Variants in GRIP1 observed in about 807,000 individuals in gnomAD.
GRIP1 encodes the protein glutamate receptor interacting protein 1.
Under a neutral mutation model 129.9 loss-of-function variants are expected in GRIP1, and 45 were observed. The ratio of observed to expected loss-of-function variants is 0.35; its 90% CI spans 0.27 to 0.44. The LOEUF is 0.44. Ranked by LOEUF, GRIP1 falls within the 20% of genes least tolerant of loss-of-function variation. GRIP1 has a pLI of 1.00. For synonymous variants in GRIP1, 530 were observed against 520.8 expected (o/e 1.02, Z -0.24); for missense variants, 1,196 against 1,396.8 (o/e 0.86, Z 2.29).
At position 66,465,391 on chromosome 12, in the gene GRIP1, T is replaced by A; in HGVS notation, c.756A>T (p.Leu252=). 6.2e-7 allele frequency: 1 copy of A among 1,614,028 alleles called. No individual in the cohort carries two copies. Among genetic ancestry groups the A allele is most frequent in the Non-Finnish European group, 8.5e-7 (1 of 1,179,884 alleles). ...DSVATASGPL[L]VEVAKTPGAS... Reference sequence around the variant, plus strand: ...CACCAGGAGTTTTGGCAACTTCGACTAGTAGTGGCCCGGATGCTGTTGCCA... The same window carrying A: ...CACCAGGAGTTTTGGCAACTTCGACAAGTAGTGGCCCGGATGCTGTTGCCA... Residue 252 remains leucine, a synonymous_variant, in exon 8 of 25, where the codon CTA becomes CTT. Transcript: ENST00000359742.
At chr12:66,757,322 G>C (rs2136650264) in intron 1 of GRIP1, among the ~76,000 whole-genome samples, 1 of 152,226 alleles carries the variant, frequency 6.6e-6, no homozygotes, top group South Asian at 2.1e-4. Context: ...AAATAAGTGA[G>C]AATATGTGAA....
At chr12:66,648,822 T>C (rs2032567996) in intron 1 of GRIP1, among the ~76,000 whole-genome samples, 1 of 152,244 alleles carries the variant, frequency 6.6e-6, no homozygotes, top group Non-Finnish European at 1.5e-5. Flanking sequence ...AGACGTTTTC[T>C]ATATCCACTT....
intron 1 of GRIP1, among the ~76,000 whole-genome samples, chr12:66,784,058 G>T (rs1339843056): frequency 6.6e-6 from 1 of 152,036 alleles, no homozygotes; most frequent in Non-Finnish European, 1.5e-5. Context: ...ATATAATTAA[G>T]AACAGAGGGA....
intron 2 of GRIP1, chr12:66,567,942 T>A (rs1371573752): frequency 5.9e-6 from 1 of 168,854 alleles, no homozygotes; most frequent in Non-Finnish European, 1.3e-5. Context: ...TTTCTCATAG[T>A]TAAAACAAAA....
intron 1 of GRIP1, among the ~76,000 whole-genome samples, chr12:67,063,106 T>G (rs886405934): frequency 6.6e-6 from 1 of 152,194 alleles, no homozygotes; most frequent in Admixed American, 6.5e-5. Context: ...GTCCTCATCT[T>G]AAAGTAGAGA....
chr12:66,782,407 G>C (rs1323169084), intron 1 of GRIP1, among the ~76,000 whole-genome samples: 1 of 152,160 alleles, frequency 6.6e-6, no homozygotes, highest in African/African-American at 2.4e-5. Flanking sequence ...TGGAGGCAAT[G>C]AAGTTCCTGG....
rs191926135 is a variant in GRIP1, at chr12:66,999,661, G to T, written c.58+69389C>A. Among the ~76,000 whole-genome samples the T allele has an allele frequency of 3.9e-5, 6 of 152,166 alleles. No individual in the cohort carries two copies. The East Asian group carries it at 1.2e-3, about 29-fold the overall frequency. ...CATCACCAAGGAAAAGTGTAATACA[G>T]AACTATCTAAATAATTAATGTACAT... is the stretch of plus-strand genomic sequence containing the variant. On this transcript the variant is annotated intron_variant, in intron 1 of 1. Coordinates refer to the GRIP1 transcript ENST00000643019.
At chr12:66,426,132 T>G (rs772165156) in intron 14 of GRIP1, among the ~76,000 whole-genome samples, 2 of 152,194 alleles carry the variant, frequency 1.3e-5, no homozygotes, top group Admixed American at 6.5e-5. Context: ...GATCTCTTGA[T>G]GACAAGCTTT....
At chr12:66,943,114 T>G (rs1312679578) in intron 1 of GRIP1, among the ~76,000 whole-genome samples, 2 of 152,222 alleles carry the variant, frequency 1.3e-5, no homozygotes, top group African/African-American at 4.8e-5. Flanking sequence ...TTGTTGCTAA[T>G]TTTGTCTTCT....
chr12:66,787,068 G>T lies in GRIP1; in HGVS notation c.-420+16985C>A, dbSNP rs547047210. 2.6e-5 allele frequency among the ~76,000 whole-genome samples: 4 copies of T among 152,186 alleles called. No individual in the cohort carries two copies. The East Asian group carries it at 7.7e-4, about 29-fold the overall frequency. ...TACAGCTTATGAGGTTTAAATTTAC[G>T]CACAAGTAACCTTGGATACCTAGTA... On this transcript the variant is annotated intron_variant, in intron 1 of 4. Coordinates refer to the GRIP1 transcript ENST00000538373.
intron 7 of GRIP1, among the ~76,000 whole-genome samples, chr12:66,476,077 G>A (rs551371748): frequency 6.6e-6 from 1 of 152,228 alleles, no homozygotes; most frequent in Admixed American, 6.5e-5. Context: ...AATGAATCCA[G>A]GATCTGGTTT....
At chr12:66,368,761 C>A (rs991722613) in intron 23 of GRIP1, among the ~76,000 whole-genome samples, 1 of 152,156 alleles carries the variant, frequency 6.6e-6, no homozygotes, top group Non-Finnish European at 1.5e-5. Context: ...CTTTTCATGA[C>A]ATTAGGTAGT....
intron 1 of GRIP1, among the ~76,000 whole-genome samples, chr12:67,018,511 C>T (rs1254155202): frequency 6.6e-6 from 1 of 152,192 alleles, no homozygotes; most frequent in Admixed American, 6.6e-5. Flanking sequence ...TTTGTAGGTG[C>T]CTGGTTTTCC....
chr12:66,661,209 T>A (rs1057040258), intron 1 of GRIP1, among the ~76,000 whole-genome samples: 1 of 151,970 alleles, frequency 6.6e-6, no homozygotes, highest in Non-Finnish European at 1.5e-5. Context: ...GCAACTTCCA[T>A]CGCCAATTTG....
intron 1 of GRIP1, among the ~76,000 whole-genome samples, chr12:66,834,837 C>G (rs2039582075): frequency 6.8e-6 from 1 of 146,284 alleles, no homozygotes; most frequent in Admixed American, 6.9e-5. Flanking sequence ...AGGAGGATTG[C>G]TTGAGCTCAG....
intron 3 of GRIP1, 34 bp downstream of exon 3, chr12:66,541,781 T>A (rs374020158): frequency 2.5e-6 from 4 of 1,606,764 alleles, no homozygotes; most frequent in East Asian, 2.2e-5. Context: ...ACACCCTGTG[T>A]TCCTTTCAGT....
intron 1 of GRIP1, among the ~76,000 whole-genome samples, chr12:66,650,647 G>A (rs2032727000): frequency 6.6e-6 from 1 of 152,138 alleles, no homozygotes; most frequent in South Asian, 2.1e-4. Context: ...TCAGCATTTA[G>A]ACCATTAGCT....
chr12:66,414,147 G>T (rs943990544), intron 15 of GRIP1, among the ~76,000 whole-genome samples: 2 of 152,120 alleles, frequency 1.3e-5, no homozygotes, highest in African/African-American at 4.8e-5. Context: ...CAGAAGAGAA[G>T]AAGTCAAATT....
intron 1 of GRIP1, among the ~76,000 whole-genome samples, chr12:66,698,128 G>A (rs1014027563): frequency 1.3e-5 from 2 of 150,682 alleles, no homozygotes; most frequent in East Asian, 3.9e-4. Context: ...GGAGCACATT[G>A]CTAAATGAGA....
Sources: allele counts gnomAD v4.1 joint callset (sites outside exome capture counted in the v4.1 genomes callset), GRCh38; gene constraint gnomAD v4.1.1; transcripts MANE v1.5; gene names NCBI Gene and HGNC (gene_info 2026-07-23, HGNC 2026-07-21).